The following C1orf185 variants were observed in gnomAD, a reference collection of about 807,000 sequenced individuals.
The protein encoded by C1orf185 is chromosome 1 open reading frame 185.
Under a neutral mutation model 16.1 loss-of-function variants are expected in C1orf185, and 13 were observed. That is an observed-to-expected ratio of 0.81 (90% CI 0.53 to 1.28). C1orf185 has a LOEUF of 1.28. Among genes scored for constraint, C1orf185 ranks in the 50% most tolerant of loss-of-function variants. The pLI, the probability that C1orf185 is intolerant of heterozygous loss-of-function variation, is 0.00. For missense variants in C1orf185, 220 were observed against 225.2 expected (o/e 0.98, Z 0.15); for synonymous variants, 80 against 76.9 (o/e 1.04, Z -0.21).
chr1:51,146,862 A>T (rs1646404148), intron 4 of C1orf185, among the ~76,000 whole-genome samples: 1 of 152,174 alleles, frequency 6.6e-6, no homozygotes, highest in Non-Finnish European at 1.5e-5. Context: ...TATAAAGCCA[A>T]TTCATACACC....
chr1:51,129,361 G>A (rs72692278), intron 3 of C1orf185, among the ~76,000 whole-genome samples: 4,997 of 152,184 alleles, frequency 0.033, 111 homozygotes, highest in Non-Finnish European at 0.05. Flanking sequence ...CTGGCAACCA[G>A]CGATCTGTTG....
In C1orf185 at chr1:51,139,263, C is replaced by T. The variant is rs536639415; in HGVS notation, c.259-6461C>T. On this transcript the variant is annotated intron_variant, in intron 3 of 4. Transcript: ENST00000371759. Reference sequence around the variant, plus strand: ...GATTACAGGTGCTCGCCACCACACCCGGCTAATTTTTGTATTTTTAGTAGA... The same window carrying T: ...GATTACAGGTGCTCGCCACCACACCTGGCTAATTTTTGTATTTTTAGTAGA... Among the ~76,000 whole-genome samples, 151 of 151,996 alleles carry T rather than the reference C, an allele frequency of 9.9e-4. 1 individual carries two copies. In the South Asian group the frequency reaches 0.028, roughly 29 times the overall value.
intron 2 of C1orf185, among the ~76,000 whole-genome samples, chr1:51,116,497 A>C (rs1238619822): frequency 6.6e-6 from 1 of 152,012 alleles, no homozygotes; most frequent in Non-Finnish European, 1.5e-5. Flanking sequence ...TATTTTTAGT[A>C]GAGACAGGGT....
intron 2 of C1orf185, among the ~76,000 whole-genome samples, chr1:51,113,888 C>T (rs1372829613): frequency 2.0e-5 from 3 of 152,126 alleles, no homozygotes; most frequent in South Asian, 2.1e-4. Flanking sequence ...TTATTAGGTG[C>T]TTGCCATTGT....
intron 1 of C1orf185, 43 bp downstream of exon 1, chr1:51,102,292 A>C: frequency 1.4e-6 from 1 of 709,488 alleles, no homozygotes; most frequent in Non-Finnish European, 2.6e-6. Flanking sequence ...TTGCCTGGGA[A>C]GAAGAGGAAA....
chr1:51,119,295 A>G (rs1646180841), intron 3 of C1orf185, among the ~76,000 whole-genome samples: 1 of 152,238 alleles, frequency 6.6e-6, no homozygotes, highest in Non-Finnish European at 1.5e-5. Context: ...GCAGACACCT[A>G]ATTAAATTTG....
At chr1:51,127,068 T>C (rs1320693034) in intron 3 of C1orf185, among the ~76,000 whole-genome samples, 1 of 152,232 alleles carries the variant, frequency 6.6e-6, no homozygotes, top group African/African-American at 2.4e-5. Context: ...TTAAAAAATA[T>C]TTTATTGATA....
In C1orf185 at chr1:51,145,746, C is replaced by A; in HGVS notation, c.281C>A (p.Ala94Glu). The A allele has an allele frequency of 1.5e-6, 2 of 1,309,964 alleles. No homozygotes were observed. The highest frequency in any genetic ancestry group is 2.1e-6 in the Non-Finnish European group (2 of 966,776). 81.1% of individuals were successfully genotyped at this position (1,309,964 alleles called of 1,614,324 possible). The stretch of plus-strand genomic sequence containing the variant: ...TAGGAGGAGCAAAGAAAAAAGGAAG[C>A]AGCACATATAAAAGGTATTTTTTCT... ...QLQEEQRKKEAAHIKAIKDHS... is the reference protein window; with the variant it reads ...QLQEEQRKKEEAHIKAIKDHS... Residue 94 changes from alanine to glutamate, a missense_variant, in exon 4 of 5, where the codon GCA becomes GAA. Coordinates refer to ENST00000371759, the MANE Select transcript of C1orf185 (RefSeq NM_001136508.2).
At chr1:51,120,278 T>G (rs898988577) in intron 3 of C1orf185, among the ~76,000 whole-genome samples, 1 of 152,176 alleles carries the variant, frequency 6.6e-6, no homozygotes, top group Non-Finnish European at 1.5e-5. Context: ...AGGATTATAG[T>G]AATATGGTCA....
intron 3 of C1orf185, among the ~76,000 whole-genome samples, chr1:51,141,742 A>G (rs996793122): frequency 1.3e-5 from 2 of 152,224 alleles, no homozygotes; most frequent in African/African-American, 4.8e-5. Flanking sequence ...TTCAGTGTAC[A>G]TACTAAGAAT....
intron 3 of C1orf185, among the ~76,000 whole-genome samples, chr1:51,130,749 C>T (rs1223230687): frequency 1.3e-5 from 2 of 152,148 alleles, no homozygotes; most frequent in African/African-American, 4.8e-5. Flanking sequence ...GTATATGTCT[C>T]ATACCAACAC....
chr1:51,148,060 TA>T lies in C1orf185; in HGVS notation c.*292del, dbSNP rs1646412789. 1 of 248,772 alleles carries T rather than the reference TA, an allele frequency of 4.0e-6. No homozygotes were observed. The highest frequency in any genetic ancestry group is 7.7e-6 in the Non-Finnish European group (1 of 129,802). The allele number at this position is 248,772 out of a possible 1,614,324, so 15.4% of individuals were successfully genotyped here. On this transcript the variant is annotated 3_prime_UTR_variant, in exon 5 of 5. Coordinates refer to ENST00000371759, the MANE Select transcript of C1orf185 (RefSeq NM_001136508.2). Reference sequence around the variant, plus strand: ...TATTGTATCTCATCCAAAGACATATTAAATAAAATGAGTGTATGTCAACAAA... The same window carrying T: ...TATTGTATCTCATCCAAAGACATATTAATAAAATGAGTGTATGTCAACAAA...
chr1:51,131,906 G>A (rs1446945352), intron 3 of C1orf185, among the ~76,000 whole-genome samples: 2 of 152,160 alleles, frequency 1.3e-5, no homozygotes, highest in African/African-American at 2.4e-5. Flanking sequence ...CCCCAGCAAA[G>A]TGAATTCCCA....
intron 2 of C1orf185, among the ~76,000 whole-genome samples, chr1:51,114,252 A>G (rs779234361): frequency 8.3e-4 from 127 of 152,384 alleles, no homozygotes; most frequent in Middle Eastern, 3.4e-3. Flanking sequence ...TTTGTAGGCT[A>G]GAACACGGAG....
In C1orf185 at chr1:51,137,748, A is replaced by G. The variant is rs563543996; in HGVS notation, c.259-7976A>G. ...ATTGTTAGATTATAAAGACACATGCATGTGTATGTTCACTGCAGCATTATT... is the reference window on the plus strand; with the variant it reads ...ATTGTTAGATTATAAAGACACATGCGTGTGTATGTTCACTGCAGCATTATT... On this transcript the variant is annotated intron_variant, in intron 3 of 4. Coordinates refer to ENST00000371759, the MANE Select transcript of C1orf185 (RefSeq NM_001136508.2). 3.9e-5 allele frequency among the ~76,000 whole-genome samples: 6 copies of G among 152,320 alleles called. No homozygotes were observed. The South Asian group carries it at 1.2e-3, about 32-fold the overall frequency.
At chr1:51,145,492 T>A (rs1347698979) in intron 3 of C1orf185, among the ~76,000 whole-genome samples, 2 of 152,148 alleles carry the variant, frequency 1.3e-5, no homozygotes, top group African/African-American at 4.8e-5. Context: ...GAACTGTTAT[T>A]CCTTATTCTG....
intron 1 of C1orf185, among the ~76,000 whole-genome samples, chr1:51,109,578 T>C (rs1219469431): frequency 6.6e-6 from 1 of 152,142 alleles, no homozygotes; most frequent in East Asian, 1.9e-4. Context: ...CCATTTTGAG[T>C]TGATTTTTGT....
At position 51,147,493 on chromosome 1, in the gene C1orf185, C is replaced by A. The variant is rs1193044173; in HGVS notation, c.322C>A (p.Pro108Thr). The A allele has an allele frequency of 8.4e-6, 13 of 1,542,104 alleles. No homozygotes were observed. Among genetic ancestry groups the A allele is most frequent in the Admixed American group, 2.0e-5 (1 of 48,892 alleles). Reference protein sequence around the residue: ...KAIKDHSKDEPQLATKNIICD... With the variant: ...KAIKDHSKDETQLATKNIICD... ...AATTAAAGATCATTCTAAAGATGAA[C>A]CCCAACTTGCAACAAAAAATATCAT... Residue 108 changes from proline to threonine, a missense_variant, in exon 5 of 5, where the codon CCC becomes ACC. By Grantham distance (38) the Pro-to-Thr change is conservative (BLOSUM62 -1). Coordinates refer to ENST00000371759, the MANE Select transcript of C1orf185 (RefSeq NM_001136508.2).
intron 3 of C1orf185, among the ~76,000 whole-genome samples, chr1:51,141,863 G>A (rs909151937): frequency 2.0e-5 from 3 of 151,620 alleles, no homozygotes; most frequent in Non-Finnish European, 2.9e-5. Flanking sequence ...ATGGAGTATC[G>A]CTCTGTTGCC....
Sources: allele counts gnomAD v4.1 joint callset (sites outside exome capture counted in the v4.1 genomes callset), GRCh38; gene constraint gnomAD v4.1.1; transcripts MANE v1.5; gene names NCBI Gene and HGNC (gene_info 2026-07-23, HGNC 2026-07-21).